SPMIP6: variants seen among roughly 807,000 people sequenced by gnomAD.
The protein encoded by SPMIP6 is ciliated bronchial epithelial protein 1.
chr9:34,389,869 T>C, the SPMIP6 span: 3 of 152,118 alleles, frequency 2.0e-5, no homozygotes, highest in African/African-American at 7.2e-5. Context: ...TAAATATTTG[T>C]GTTAAGAAAT....
chr9:34,387,631 AAAC>A, the SPMIP6 span, among the ~76,000 whole-genome samples: 1 of 152,172 alleles, frequency 6.6e-6, no homozygotes, highest in Non-Finnish European at 1.5e-5. Context: ...ACACACACAC[AAAC>A]AAAACAGTCA....
At chr9:34,385,816 C>G in the SPMIP6 span, 1 of 1,597,998 alleles carries the variant, frequency 6.3e-7, no homozygotes, top group South Asian at 1.1e-5. Flanking sequence ...TGGTTAGGGG[C>G]ACAGAGACCC....
chr9:34,382,494 A>C, the SPMIP6 span, among the ~76,000 whole-genome samples: 1 of 152,136 alleles, frequency 6.6e-6, no homozygotes, highest in Admixed American at 6.5e-5. Flanking sequence ...GTGAGGTAGC[A>C]GAATTGCTTG....
the SPMIP6 span, chr9:34,379,710 G>T: frequency 6.2e-7 from 1 of 1,614,062 alleles, no homozygotes; most frequent in South Asian, 1.1e-5. The surrounding 1 kb of genome is among the most constrained non-coding windows in gnomAD (Gnocchi z 4.2). Context: ...ATTCCGGGCC[G>T]GTGCTCGTAG....
chr9:34,388,972 C>T, the SPMIP6 span, among the ~76,000 whole-genome samples: 1 of 131,938 alleles, frequency 7.6e-6, no homozygotes, highest in South Asian at 2.4e-4. Context: ...CTCACTGTTG[C>T]CCAGGCTGGA....
chr9:34,395,704 T>G, the SPMIP6 span, among the ~76,000 whole-genome samples: 1 of 152,198 alleles, frequency 6.6e-6, no homozygotes, highest in Admixed American at 6.5e-5. Flanking sequence ...CCTCAAATAT[T>G]TTTGTTCTCA....
the SPMIP6 span, chr9:34,385,800 G>T: frequency 6.2e-7 from 1 of 1,609,896 alleles, no homozygotes; most frequent in South Asian, 1.1e-5. Context: ...GGGGAGAGGA[G>T]AGAAGTGGTT....
chr9:34,397,738 G>A, the SPMIP6 span: 2 of 1,256,498 alleles, frequency 1.6e-6, no homozygotes, highest in East Asian at 2.4e-5. Context: ...AGCCTGGCAG[G>A]TGCCCTTAGC....
chr9:34,383,716 T>A, the SPMIP6 span, among the ~76,000 whole-genome samples: 1 of 152,228 alleles, frequency 6.6e-6, no homozygotes, highest in Non-Finnish European at 1.5e-5. Flanking sequence ...CTGAATTAAT[T>A]AATTTTGATG....
At chr9:34,388,612 T>G in the SPMIP6 span, among the ~76,000 whole-genome samples, 2 of 152,230 alleles carry the variant, frequency 1.3e-5, no homozygotes, top group Non-Finnish European at 2.9e-5. Context: ...TTGCTTTAGA[T>G]TCAGCTTTCT....
chr9:34,397,516 T>C, the SPMIP6 span: 3 of 1,614,152 alleles, frequency 1.9e-6, no homozygotes, highest in Non-Finnish European at 2.5e-6. Context: ...AGAAACTTGT[T>C]GGCTTCCCAG....
chr9:34,388,848 C>T, the SPMIP6 span, among the ~76,000 whole-genome samples: 1 of 151,944 alleles, frequency 6.6e-6, no homozygotes, highest in Non-Finnish European at 1.5e-5. Context: ...ACTATTGGCA[C>T]CTATACATGT....
chr9:34,386,537 T>C, the SPMIP6 span, among the ~76,000 whole-genome samples: 1 of 148,702 alleles, frequency 6.7e-6, no homozygotes, highest in African/African-American at 2.5e-5. Flanking sequence ...TGCAGTGAGC[T>C]GAGATCGTGC....
the SPMIP6 span, chr9:34,379,622 T>G: frequency 6.2e-7 from 1 of 1,605,604 alleles, no homozygotes; most frequent in Non-Finnish European, 8.5e-7. The surrounding 1 kb of genome is among the most constrained non-coding windows in gnomAD (Gnocchi z 4.2). Flanking sequence ...CGTGTGCAAA[T>G]GAGTGTGTGC....
the SPMIP6 span, chr9:34,381,631 G>T: frequency 7.0e-7 from 1 of 1,437,458 alleles, no homozygotes; most frequent in Non-Finnish European, 9.1e-7. This position sits in a 1 kb window ranked among gnomAD's most constrained non-coding sequence, Gnocchi z 4.4. Context: ...GCCAACAGGG[G>T]CGGGGTGGGG....
chr9:34,379,726 T>A, the SPMIP6 span: 1 of 1,613,316 alleles, frequency 6.2e-7, no homozygotes, highest in East Asian at 2.2e-5. The surrounding 1 kb of genome is among the most constrained non-coding windows in gnomAD (Gnocchi z 4.2). Flanking sequence ...CGTAGGGAGG[T>A]ACACATCTGG....
At chr9:34,381,757 G>A in the SPMIP6 span, 7 of 985,352 alleles carry the variant, frequency 7.1e-6, no homozygotes, top group Non-Finnish European at 8.4e-6. This position sits in a 1 kb window ranked among gnomAD's most constrained non-coding sequence, Gnocchi z 4.4. Flanking sequence ...GCTGTGTCTG[G>A]GTGTCTCTCT....
the SPMIP6 span, chr9:34,381,799 C>T: frequency 5.1e-6 from 5 of 981,782 alleles, no homozygotes; most frequent in Non-Finnish European, 4.8e-6. This position sits in a 1 kb window ranked among gnomAD's most constrained non-coding sequence, Gnocchi z 4.4. Flanking sequence ...CTTGTCATTC[C>T]GGAGAACTTG....
the SPMIP6 span, among the ~76,000 whole-genome samples, chr9:34,384,102 T>C: frequency 6.6e-6 from 1 of 152,324 alleles, no homozygotes; most frequent in East Asian, 1.9e-4. Context: ...AGCAGCTGTC[T>C]GAGGGGAGGG....
Sources: gnomAD v4.1 joint callset for allele counts (sites outside exome capture counted in the v4.1 genomes callset) on GRCh38, gnomAD v4.1.1 for gene constraint, Gnocchi (gnomAD v3.1) non-coding constraint, MANE v1.5 for transcripts, NCBI Gene and HGNC (gene_info 2026-07-23, HGNC 2026-07-21) for gene names.